TRAPPC11: variants seen among roughly 807,000 people sequenced by gnomAD.
TRAPPC11 encodes foie gras homolog.
A neutral mutation model predicts 151.2 loss-of-function variants in TRAPPC11; 104 were observed. The ratio of observed to expected loss-of-function variants is 0.69; its 90% CI spans 0.59 to 0.81. TRAPPC11 has a LOEUF of 0.81. Among genes scored for constraint, TRAPPC11 ranks in the 30% least tolerant of loss-of-function variants. The pLI is 0.00. For missense variants in TRAPPC11, 1,230 were observed against 1,349.6 expected, an observed-to-expected ratio of 0.91 and a Z score of 1.39; for synonymous variants, 456 against 472.3, an observed-to-expected ratio of 0.97 and a Z score of 0.45.
At chr4:183,708,686 G>T in intron 29 of TRAPPC11, 112 bp downstream of exon 29, 2 of 997,102 alleles carry the variant, frequency 2.0e-6, no homozygotes, top group Non-Finnish European at 2.9e-6. Flanking sequence ...TGATAGTTTT[G>T]CCTTTTATTA....
In TRAPPC11 at chr4:183,671,010, G is replaced by A. The variant is rs144775017; in HGVS notation, c.560+2893G>A. On this transcript the variant is annotated intron_variant, in intron 5 of 29. Coordinates refer to ENST00000334690, the MANE Select transcript of TRAPPC11 (RefSeq NM_021942.6). The stretch of plus-strand genomic sequence containing the variant: ...CTCCCAAAGTGCTGGGATTATAGGC[G>A]TGAGCCACCATGCCTGGCCTAATAT... 2.1e-3 allele frequency among the ~76,000 whole-genome samples: 316 copies of A among 152,152 alleles called. 2 individuals carry two copies. Among genetic ancestry groups the A allele is most frequent in the African/African-American group, 7.2e-3 (300 of 41,508 alleles).
chr4:183,666,914 G>C (rs768417400), intron 3 of TRAPPC11, 146 bp from the exon 4 acceptor site: 9 of 564,664 alleles, frequency 1.6e-5, no homozygotes, highest in Non-Finnish European at 2.8e-5. Flanking sequence ...TATGTGCTTT[G>C]TGTGCAGGAA....
Position 183,664,104 on chromosome 4 carries a change from TTC to T in TRAPPC11, c.204+43_204+44del, listed in dbSNP as rs202130622. On this transcript the variant is annotated intron_variant, in intron 2 of 29. Transcript: ENST00000334690. The stretch of plus-strand genomic sequence containing the variant: ...CATTGTGATGGCATGTGTTCTTTCC[TTC>T]TCTCTCTCTATGTGTGTGTGTGTGT... 13,308 of 1,555,644 alleles carry T rather than the reference TTC, an allele frequency of 8.6e-3. 72 individuals carry two copies. The highest frequency in any genetic ancestry group is 0.011 in the Non-Finnish European group (11,981 of 1,132,674).
chr4:183,679,394 A>G lies in TRAPPC11; in HGVS notation c.873A>G (p.Ala291=), dbSNP rs971555083. Residue 291 remains alanine (A), a synonymous_variant, in exon 9 of 30, where the codon GCA becomes GCG. Transcript: ENST00000334690. The stretch of plus-strand genomic sequence containing the variant: ...TTCAACACAACACCCCATTGGATGC[A>G]ATTGCTCAGTTCCGAAAACACATCG... ...LCFQHNTPLD[A]IAQFRKHIDL... 1.9e-6 allele frequency: 3 copies of G among 1,613,086 alleles called. No individual in the cohort carries two copies. The highest frequency in any genetic ancestry group is 2.5e-6 in the Non-Finnish European group (3 of 1,179,544).
chr4:183,671,973 T>C (rs1480767934), intron 5 of TRAPPC11, among the ~76,000 whole-genome samples: 1 of 152,196 alleles, frequency 6.6e-6, no homozygotes, highest in Admixed American at 6.5e-5. Flanking sequence ...AAAATACAGA[T>C]AATTGTGTGC....
intron 25 of TRAPPC11, among the ~76,000 whole-genome samples, chr4:183,698,393 G>C (rs1489382730): frequency 1.3e-5 from 2 of 151,930 alleles, no homozygotes; most frequent in African/African-American, 4.8e-5. Flanking sequence ...TTTCTCTTGT[G>C]TGTTTGGAAA....
intron 11 of TRAPPC11, among the ~76,000 whole-genome samples, chr4:183,683,095 G>A (rs759231248): frequency 6.0e-5 from 9 of 150,932 alleles, no homozygotes; most frequent in Non-Finnish European, 5.9e-5. Context: ...TGAGGTGGAA[G>A]GATCACACCT....
chr4:183,666,265 A>G lies in TRAPPC11; in HGVS notation c.213A>G (p.Ser71=). 6.2e-7 allele frequency: 1 copy of G among 1,611,900 alleles called. No individual in the cohort carries two copies. The highest frequency in any genetic ancestry group is 8.5e-7 in the Non-Finnish European group (1 of 1,179,232). Residue 71 remains serine (S), a synonymous_variant, in exon 3 of 30, where the codon TCA becomes TCG. Transcript: ENST00000334690. ...TCTGCCAATGTTTGCAGAGAACTTC[A>G]TATGAGTGGTACATTCCTAAAGGGA... ...EYPKCRPKRT[S]YEWYIPKGIL...
chr4:183,700,237 A>T (rs1259364268), intron 25 of TRAPPC11, among the ~76,000 whole-genome samples: 1 of 152,150 alleles, frequency 6.6e-6, no homozygotes, highest in Non-Finnish European at 1.5e-5. Context: ...GCTCAAACTG[A>T]TGTGTATTTT....
intron 18 of TRAPPC11, among the ~76,000 whole-genome samples, chr4:183,689,025 G>GC (rs1278436169): frequency 2.0e-5 from 3 of 152,186 alleles, no homozygotes; most frequent in African/African-American, 4.8e-5. Flanking sequence ...ACAGGTGTGA[G>GC]CCATCATGCC....
chr4:183,695,201 T>C (rs557081638), intron 23 of TRAPPC11, among the ~76,000 whole-genome samples: 5 of 152,066 alleles, frequency 3.3e-5, no homozygotes, highest in Non-Finnish European at 5.9e-5. Context: ...CTGCCCACCT[T>C]GGCCTCCCAA....
At position 183,693,087 on chromosome 4, in the gene TRAPPC11, G is replaced by T. The variant is rs775221903; in HGVS notation, c.2177G>T (p.Arg726Leu). ...ALQAARSFKR[R>L]PKLPDNEVHW... ...CAGGCAGCTCGGTCTTTCAAAAGGC[G>T]ACCTAAGCTACCTGACAATGAAGTT... The change falls in exon 20 of 30, where the codon CGA becomes CTA. Residue 726 changes from arginine to leucine, a missense_variant. Coordinates refer to ENST00000334690, the MANE Select transcript of TRAPPC11 (RefSeq NM_021942.6). 9.9e-6 allele frequency: 16 copies of T among 1,612,718 alleles called. No individual in the cohort carries two copies. The highest frequency in any genetic ancestry group is 1.4e-5 in the Non-Finnish European group (16 of 1,179,184).
At position 183,682,826 on chromosome 4, in the gene TRAPPC11, G is replaced by C. The variant is rs1735767573; in HGVS notation, c.1207+1G>C. ...AGATCATGGCGACAAGGAATACTAA[G>C]TAAATAATTTTTCCCTCTGTCCTTT... On this transcript the variant is annotated splice_donor_variant, in intron 11 of 29. Transcript: ENST00000334690. LOFTEE classifies it high-confidence loss of function. The C allele has an allele frequency of 6.2e-7, 1 of 1,607,322 alleles. No individual in the cohort carries two copies. The highest frequency in any genetic ancestry group is 8.5e-7 in the Non-Finnish European group (1 of 1,174,106).
chr4:183,690,613 G>A (rs79588920), intron 18 of TRAPPC11, among the ~76,000 whole-genome samples: 1 of 152,262 alleles, frequency 6.6e-6, no homozygotes, highest in East Asian at 1.9e-4. Flanking sequence ...TATGGTGAAC[G>A]TGGAAACAAA....
At chr4:183,700,615 A>C (rs1736754668) in intron 25 of TRAPPC11, among the ~76,000 whole-genome samples, 1 of 152,196 alleles carries the variant, frequency 6.6e-6, no homozygotes, top group African/African-American at 2.4e-5. Context: ...TGGCAGAAGG[A>C]AAGCATTCTT....
rs374588190 is a variant in TRAPPC11, at chr4:183,680,072, T to G, written c.966-48T>G. The G allele has an allele frequency of 1.2e-4, 190 of 1,537,378 alleles. 1 individual carries two copies. In the African/African-American group the frequency reaches 1.5e-3, roughly 12 times the overall value. On this transcript the variant is annotated intron_variant, in intron 9 of 29. Transcript: ENST00000334690. ...CAGGATGAATTACCAGAAATAAGCT[T>G]CTTTTTCTTTTCATTCCTCTTTATT...
At position 183,697,552 on chromosome 4, in the gene TRAPPC11, A is replaced by G. The variant is rs759008736; in HGVS notation, c.2678A>G (p.Lys893Arg). 30 of 1,603,608 alleles carry G rather than the reference A, an allele frequency of 1.9e-5. No individual in the cohort carries two copies. Among genetic ancestry groups the G allele is most frequent in the Non-Finnish European group, 2.2e-5 (26 of 1,177,894 alleles). Residue 893 changes from lysine (K) to arginine (R), a missense_variant, in exon 24 of 30, where the codon AAA becomes AGA. By Grantham distance (26) the Lys-to-Arg change is conservative. Coordinates refer to ENST00000334690, the MANE Select transcript of TRAPPC11 (RefSeq NM_021942.6). ...ETVFPFDVAV[K>R]FVSTKFEHLE... is the part of the protein sequence containing the mutation. The stretch of plus-strand genomic sequence containing the variant: ...GTCTTTCCATTTGATGTTGCGGTTA[A>G]ATTTGTTTCTACCAAGGTATGTTTC...
chr4:183,670,471 C>T (rs925611095), intron 5 of TRAPPC11, among the ~76,000 whole-genome samples: 4 of 152,182 alleles, frequency 2.6e-5, no homozygotes, highest in African/African-American at 9.7e-5. Flanking sequence ...TGTTTAAAAA[C>T]CACGCACATA....
chr4:183,684,129 C>G lies in TRAPPC11; in HGVS notation c.1288-16C>G, dbSNP rs982976198. On this transcript the variant is annotated splice_polypyrimidine_tract_variant and intron_variant, in intron 12 of 29. Transcript: ENST00000334690. ...TATTTGTATTGAAATGTTTCACACT[C>G]TACTTTTTCTAATAGGAGATAATCA... The G allele has an allele frequency of 4.3e-6, 7 of 1,610,240 alleles. No individual in the cohort carries two copies. In the African/African-American group the frequency reaches 8.0e-5, roughly 18 times the overall value.
Sources: gnomAD v4.1 joint callset for allele counts (sites outside exome capture counted in the v4.1 genomes callset) on GRCh38, gnomAD v4.1.1 for gene constraint, MANE v1.5 for transcripts, NCBI Gene and HGNC (gene_info 2026-07-23, HGNC 2026-07-21) for gene names.